PPP3R1: variants seen among roughly 807,000 people sequenced by gnomAD.
PPP3R1 encodes the protein calcineurin subunit B type 1.
Under a neutral mutation model 22.6 loss-of-function variants are expected in PPP3R1, and 5 were observed. That is an observed-to-expected ratio of 0.22 (90% confidence interval 0.12 to 0.46). PPP3R1 has a LOEUF of 0.46. PPP3R1 is among the 20% of genes least tolerant of loss of function. The pLI is 0.99. For synonymous variants in PPP3R1, 56 were observed against 65.2 expected (o/e 0.86, Z 0.68); for missense variants, 61 against 203.2 (o/e 0.30, Z 4.25).
intron 2 of PPP3R1, among the ~76,000 whole-genome samples, chr2:68,208,824 G>A (rs1478759260): frequency 6.6e-6 from 1 of 151,894 alleles, no homozygotes; most frequent in Non-Finnish European, 1.5e-5. Context: ...TTGGGAGACT[G>A]AGACACAAGA....
intron 2 of PPP3R1, among the ~76,000 whole-genome samples, chr2:68,198,289 A>G (rs1200089730): frequency 1.4e-5 from 2 of 139,298 alleles, no homozygotes; most frequent in African/African-American, 6.0e-5. Context: ...ATGTATGTGT[A>G]TACACATGTA....
chr2:68,181,167 A>T (rs908797102), intron 5 of PPP3R1, among the ~76,000 whole-genome samples, 157 bp from the exon 6 acceptor site: 1 of 152,208 alleles, frequency 6.6e-6, no homozygotes, highest in Non-Finnish European at 1.5e-5. Flanking sequence ...AGGCAGGTGG[A>T]TCACAAGGTC....
At chr2:68,207,472 C>A (rs910094805) in intron 2 of PPP3R1, among the ~76,000 whole-genome samples, 6 of 152,120 alleles carry the variant, frequency 3.9e-5, no homozygotes, top group Admixed American at 3.3e-4. Flanking sequence ...CAAATGCTTA[C>A]CACACAAATA....
chr2:68,191,375 T>G (rs1262346302), intron 2 of PPP3R1, among the ~76,000 whole-genome samples: 1 of 152,134 alleles, frequency 6.6e-6, no homozygotes, highest in Non-Finnish European at 1.5e-5. Context: ...TCTGAACATA[T>G]CTAAACATTC....
intron 2 of PPP3R1, among the ~76,000 whole-genome samples, chr2:68,203,155 G>A (rs570847284): frequency 2.2e-4 from 33 of 152,242 alleles, no homozygotes; most frequent in African/African-American, 7.5e-4. Context: ...AATCAGAATT[G>A]AGATCACTAA....
intron 1 of PPP3R1, among the ~76,000 whole-genome samples, chr2:68,228,973 T>C (rs977438499): frequency 2.0e-5 from 3 of 152,106 alleles, no homozygotes; most frequent in Non-Finnish European, 2.9e-5. Flanking sequence ...GATTCCACTT[T>C]GGTAGGAGAA....
In PPP3R1 at chr2:68,196,402, G is replaced by C. The variant is rs949493288; in HGVS notation, c.44-7712C>G. ...TGATCTTGTTGTGTACCAAGTGGAA[G>C]TTTAATATTTATATTCTGCACAGTT... On this transcript the variant is annotated intron_variant, in intron 2 of 5. Coordinates refer to ENST00000234310, the MANE Select transcript of PPP3R1 (RefSeq NM_000945.4). Among the ~76,000 whole-genome samples, 4 of 152,232 alleles carry C rather than the reference G, an allele frequency of 2.6e-5. No homozygotes were observed. The South Asian group carries it at 6.2e-4, about 24-fold the overall frequency.
At chr2:68,231,294 A>G (rs1419686383) in intron 1 of PPP3R1, among the ~76,000 whole-genome samples, 1 of 151,240 alleles carries the variant, frequency 6.6e-6, no homozygotes, top group African/African-American at 2.4e-5. Context: ...ATTGTTTATT[A>G]TATTTTTCAG....
At chr2:68,210,189 C>G (rs889536373) in intron 2 of PPP3R1, among the ~76,000 whole-genome samples, 2 of 152,128 alleles carry the variant, frequency 1.3e-5, no homozygotes, top group Non-Finnish European at 2.9e-5. Flanking sequence ...ATCTATTGGC[C>G]TCTATTCCAA....
chr2:68,184,795 C>A (rs1338664613), intron 5 of PPP3R1, among the ~76,000 whole-genome samples: 1 of 152,156 alleles, frequency 6.6e-6, no homozygotes, highest in African/African-American at 2.4e-5. Flanking sequence ...CAACTGATTA[C>A]AAATACTGGT....
At chr2:68,226,614 AC>A (rs1669785721) in intron 1 of PPP3R1, among the ~76,000 whole-genome samples, 1 of 152,152 alleles carries the variant, frequency 6.6e-6, no homozygotes, top group African/African-American at 2.4e-5. Flanking sequence ...AGTAATCTTG[AC>A]ATTTATAATT....
chr2:68,251,895 C>A (rs1670368006), intron 1 of PPP3R1, among the ~76,000 whole-genome samples: 1 of 142,766 alleles, frequency 7.0e-6, no homozygotes, highest in Non-Finnish European at 1.5e-5. Context: ...AGCAGAGGGG[C>A]GCCCCGCAGA....
intron 2 of PPP3R1, among the ~76,000 whole-genome samples, chr2:68,198,315 ATG>A (rs1558631028): frequency 6.7e-4 from 96 of 144,224 alleles, no homozygotes; most frequent in African/African-American, 2.4e-3. Context: ...GTATACATAT[ATG>A]TATATACATA....
In PPP3R1 at chr2:68,252,266, G is replaced by C. The variant is rs1670383566; in HGVS notation, c.-139C>G. On this transcript the variant is annotated 5_prime_UTR_variant, in exon 1 of 6. Transcript: ENST00000234310. ...GGGGAGGGGGCGCGCGTGGGGGAGG[G>C]GAGGCGGCGCCGCGGGGCCCGCGCC... 2 of 1,057,658 alleles carry C rather than the reference G, an allele frequency of 1.9e-6. No individual in the cohort carries two copies. Among genetic ancestry groups the C allele is most frequent in the Non-Finnish European group, 1.1e-6 (1 of 877,484 alleles). The allele number at this position is 1,057,658 out of a possible 1,614,324, so 65.5% of individuals were successfully genotyped here. A position where few individuals can be genotyped will look rare whatever the true frequency, so the allele number is the denominator to read the frequency against.
chr2:68,204,335 A>ATATATATATT (rs1432464054), intron 2 of PPP3R1, among the ~76,000 whole-genome samples: 4 of 43,084 alleles, frequency 9.3e-5, no homozygotes, highest in African/African-American at 6.9e-4. Flanking sequence ...ACACACACAC[A>ATATATATATT]CTATATATAT....
intron 2 of PPP3R1, among the ~76,000 whole-genome samples, chr2:68,197,860 T>A (rs1044642551): frequency 6.6e-6 from 1 of 151,822 alleles, no homozygotes; most frequent in Non-Finnish European, 1.5e-5. Context: ...GTTTTGTGTG[T>A]ACTAAAAGTC....
chr2:68,230,844 A>G (rs1425262737), intron 1 of PPP3R1, among the ~76,000 whole-genome samples: 1 of 152,204 alleles, frequency 6.6e-6, no homozygotes, highest in Non-Finnish European at 1.5e-5. Flanking sequence ...CCTTCTGATT[A>G]GAAACCTGCT....
In PPP3R1 at chr2:68,188,667, G is replaced by C; in HGVS notation, c.67C>G (p.Leu23Val). 1 of 1,604,780 alleles carries C rather than the reference G, an allele frequency of 6.2e-7. No individual in the cohort carries two copies. The highest frequency in any genetic ancestry group is 8.5e-7 in the Non-Finnish European group (1 of 1,177,302). ...TCAAGCTTCTTAAATCTCTTTCCTA[G>C]CCTTTTAATTTCATCCGCATCAACT... is the stretch of plus-strand genomic sequence containing the variant. ...SHFDADEIKRLGKRFKKLDLD... is the reference protein window; with the variant it reads ...SHFDADEIKRVGKRFKKLDLD... The change falls in exon 3 of 6, where the codon CTA (leucine) becomes GTA (valine). Residue 23 changes from leucine (L) to valine (V), a missense_variant. Physicochemically the swap from Leu to Val is conservative, Grantham distance 32. Transcript: ENST00000234310.
At chr2:68,205,368 A>G (rs764151614) in intron 2 of PPP3R1, among the ~76,000 whole-genome samples, 1 of 147,868 alleles carries the variant, frequency 6.8e-6, no homozygotes, top group East Asian at 2.0e-4. Flanking sequence ...TCAGCCTCCC[A>G]AGTAGCTGGG....
Sources: allele counts gnomAD v4.1 joint callset (sites outside exome capture counted in the v4.1 genomes callset), GRCh38; gene constraint gnomAD v4.1.1; transcripts MANE v1.5; gene names NCBI Gene and HGNC (gene_info 2026-07-23, HGNC 2026-07-21).